The following GRIP1 variants were observed in gnomAD, a reference collection of about 807,000 sequenced individuals.
The protein encoded by GRIP1 is glutamate receptor-interacting protein 1.
A neutral mutation model predicts 129.9 loss-of-function variants in GRIP1; 45 were observed. The ratio of observed to expected loss-of-function variants is 0.35; its 90% CI spans 0.27 to 0.44. The LOEUF (loss-of-function observed/expected upper bound fraction) is 0.44, where lower values mean the gene tolerates loss of function less well. Among genes scored for constraint, GRIP1 ranks in the 20% least tolerant of loss-of-function variants. The pLI, the probability that GRIP1 is intolerant of heterozygous loss-of-function variation, is 1.00. For synonymous variants in GRIP1, 530 were observed against 520.8 expected (o/e 1.02, Z -0.24); for missense variants, 1,196 against 1,396.8 (o/e 0.86, Z 2.29).
chr12:66,445,271 G>A (rs1199016232), intron 12 of GRIP1, 51 bp downstream of exon 12: 7 of 1,407,136 alleles, frequency 5.0e-6, no homozygotes, highest in East Asian at 2.3e-5. Context: ...AAAGATAGCA[G>A]GTACCAGAAA....
intron 1 of GRIP1, among the ~76,000 whole-genome samples, chr12:66,671,836 G>A (rs1299896713): frequency 6.6e-6 from 1 of 152,162 alleles, no homozygotes; most frequent in Non-Finnish European, 1.5e-5. Flanking sequence ...ACATTTCTCA[G>A]ACAATATGTA....
intron 1 of GRIP1, among the ~76,000 whole-genome samples, chr12:66,993,532 T>G (rs1773911986): frequency 6.6e-6 from 1 of 151,942 alleles, no homozygotes; most frequent in South Asian, 2.1e-4. Context: ...GGCTCATGCC[T>G]GTAATCCCAG....
intron 1 of GRIP1, among the ~76,000 whole-genome samples, chr12:66,932,584 G>A (rs1482856680): frequency 5.3e-5 from 8 of 149,762 alleles, no homozygotes. Flanking sequence ...CAAGTGAGCA[G>A]AAGGATAGGA....
chr12:66,699,102 A>G (rs1227950031), intron 1 of GRIP1, among the ~76,000 whole-genome samples: 2 of 152,086 alleles, frequency 1.3e-5, no homozygotes, highest in African/African-American at 2.4e-5. Flanking sequence ...ACAAGCAGAT[A>G]CTCATGACTA....
intron 2 of GRIP1, among the ~76,000 whole-genome samples, chr12:66,566,565 A>G (rs1214956773): frequency 6.6e-6 from 1 of 152,124 alleles, no homozygotes; most frequent in Non-Finnish European, 1.5e-5. Flanking sequence ...CATCAGGGAT[A>G]TTGGTCTAAA....
At chr12:66,665,270 A>C (rs2033731732) in intron 1 of GRIP1, among the ~76,000 whole-genome samples, 1 of 152,196 alleles carries the variant, frequency 6.6e-6, no homozygotes, top group Non-Finnish European at 1.5e-5. Context: ...AGCCTCCTAA[A>C]ATGCTGAGGT....
intron 1 of GRIP1, among the ~76,000 whole-genome samples, chr12:66,631,609 C>A (rs1355021888): frequency 7.0e-6 from 1 of 143,720 alleles, no homozygotes; most frequent in East Asian, 2.0e-4. Context: ...AGATTTCTCT[C>A]TTTCTCTCTC....
intron 1 of GRIP1, among the ~76,000 whole-genome samples, chr12:66,597,521 T>G (rs1165998789): frequency 6.6e-6 from 1 of 152,038 alleles, no homozygotes; most frequent in Non-Finnish European, 1.5e-5. Context: ...AGGAGCTAGG[T>G]TGAGAATAGG....
intron 2 of GRIP1, among the ~76,000 whole-genome samples, chr12:66,593,255 T>C (rs1339749616): frequency 6.6e-6 from 1 of 152,194 alleles, no homozygotes; most frequent in East Asian, 1.9e-4. Context: ...CATTTCCTTT[T>C]TCAGGAAGAG....
chr12:66,834,649 G>A (rs777229976), intron 1 of GRIP1, among the ~76,000 whole-genome samples: 3 of 152,162 alleles, frequency 2.0e-5, no homozygotes, highest in Admixed American at 2.0e-4. Flanking sequence ...GTTTGCCAAT[G>A]ACTTACATAA....
intron 2 of GRIP1, among the ~76,000 whole-genome samples, chr12:66,577,796 TA>T (rs1183012472): frequency 3.3e-5 from 5 of 151,330 alleles, no homozygotes; most frequent in East Asian, 1.9e-4. Context: ...CAAAAAAAGT[TA>T]AAAAAAAATT....
At chr12:66,908,221 A>C (rs1315977803) in intron 1 of GRIP1, among the ~76,000 whole-genome samples, 2 of 152,192 alleles carry the variant, frequency 1.3e-5, no homozygotes, top group African/African-American at 4.8e-5. Context: ...CAACAAGATG[A>C]GATGAATAAG....
intron 7 of GRIP1, among the ~76,000 whole-genome samples, chr12:66,507,613 ATC>A (rs1384818397): frequency 6.6e-6 from 1 of 152,154 alleles, no homozygotes; most frequent in Non-Finnish European, 1.5e-5. Flanking sequence ...GGAGTTAATA[ATC>A]TCTTCTGAAG....
At chr12:66,540,229 T>C (rs1156285027) in intron 3 of GRIP1, among the ~76,000 whole-genome samples, 3 of 152,228 alleles carry the variant, frequency 2.0e-5, no homozygotes, top group African/African-American at 7.2e-5. Flanking sequence ...CACTAATAGA[T>C]TGTGAGCCCC....
At chr12:66,455,237 A>G (rs551819347) in intron 11 of GRIP1, among the ~76,000 whole-genome samples, 172 bp downstream of exon 11, 1 of 152,366 alleles carries the variant, frequency 6.6e-6, no homozygotes, top group African/African-American at 2.4e-5. Context: ...ATTGCCAAAC[A>G]GATACTGGGT....
intron 1 of GRIP1, among the ~76,000 whole-genome samples, chr12:66,600,197 C>T (rs12307661): frequency 0.021 from 3,206 of 152,230 alleles, 115 homozygotes; most frequent in African/African-American, 0.073. Context: ...AGTTCATTTC[C>T]TTGAAGATAA....
At chr12:66,444,885 G>A (rs555730562) in intron 12 of GRIP1, among the ~76,000 whole-genome samples, 156 bp from the exon 13 acceptor site, 1 of 152,296 alleles carries the variant, frequency 6.6e-6, no homozygotes, top group Non-Finnish European at 1.5e-5. Context: ...ATTCAACGTC[G>A]TGTGTTGTTG....
chr12:66,427,573 T>G (rs949423505), intron 14 of GRIP1, among the ~76,000 whole-genome samples: 1 of 152,312 alleles, frequency 6.6e-6, no homozygotes, highest in South Asian at 2.1e-4. Flanking sequence ...TGGTTCCCCA[T>G]AGAAACTAAA....
At chr12:66,850,654 C>T (rs1396731068) in intron 1 of GRIP1, among the ~76,000 whole-genome samples, 3 of 152,006 alleles carry the variant, frequency 2.0e-5, no homozygotes, top group Non-Finnish European at 4.4e-5. Context: ...ATCAGATACA[C>T]TCCTACAAGG....
Sources: allele counts gnomAD v4.1 joint callset (sites outside exome capture counted in the v4.1 genomes callset), GRCh38; gene constraint gnomAD v4.1.1; transcripts MANE v1.5; gene names NCBI Gene and HGNC (gene_info 2026-07-23, HGNC 2026-07-21).